Variants in SNTB1 observed in about 807,000 individuals in gnomAD.
SNTB1 encodes beta-1-syntrophin.
SNTB1 carries 36 observed loss-of-function variants against 48.9 expected under a neutral mutation model. The ratio of observed to expected loss-of-function variants is 0.74; its 90% CI spans 0.56 to 0.97. The LOEUF is 0.97. Ranked by LOEUF, SNTB1 falls within the 50% of genes least tolerant of loss-of-function variation. SNTB1 has a pLI of 0.00. For synonymous variants in SNTB1, 299 were observed against 294.6 expected (o/e 1.01, Z -0.15); for missense variants, 786 against 703.4 (o/e 1.12, Z -1.33).
At chr8:120,719,712 G>C (rs920318972) in intron 1 of SNTB1, among the ~76,000 whole-genome samples, 5 of 152,170 alleles carry the variant, frequency 3.3e-5, no homozygotes, top group Admixed American at 6.5e-5. Context: ...TATTTGAGAG[G>C]TGAATCCAGG....
chr8:120,739,905 T>C (rs747458484), intron 1 of SNTB1, among the ~76,000 whole-genome samples: 1 of 152,200 alleles, frequency 6.6e-6, no homozygotes, highest in Non-Finnish European at 1.5e-5. Context: ...CCATGTGACA[T>C]ATTCAAATTA....
chr8:120,641,795 G>C (rs190975905), intron 2 of SNTB1, among the ~76,000 whole-genome samples: 7 of 152,308 alleles, frequency 4.6e-5, no homozygotes, highest in Admixed American at 4.6e-4. Flanking sequence ...ACCCTTTCCA[G>C]TTCCTGTCCT....
intron 1 of SNTB1, among the ~76,000 whole-genome samples, chr8:120,789,588 A>G (rs1037965766): frequency 5.3e-5 from 8 of 152,024 alleles, no homozygotes; most frequent in Non-Finnish European, 7.4e-5. Flanking sequence ...AGATCATCTG[A>G]GACTACTATG....
At position 120,632,628 on chromosome 8, in the gene SNTB1, T is replaced by C; in HGVS notation, c.812A>G (p.Asp271Gly). 6.2e-7 allele frequency: 1 copy of C among 1,614,082 alleles called. No homozygotes were observed. Among genetic ancestry groups the C allele is most frequent in the Non-Finnish European group, 8.5e-7 (1 of 1,180,002 alleles). The change falls in exon 3 of 7, where the codon GAT becomes GGT. Residue 271 changes from aspartate to glycine, a missense_variant. Physicochemically the swap from Asp to Gly is moderately conservative, Grantham distance 94. Coordinates refer to ENST00000517992, the MANE Select transcript of SNTB1 (RefSeq NM_021021.4). Reference protein sequence around the residue: ...ENRQLEIHSPDAKHTVILRSK... With the variant: ...ENRQLEIHSPGAKHTVILRSK... ...CCTTAGGATCACCGTGTGCTTAGCA[T>C]CTGGAGAGTGGATTTCAAGCTGCCT...
At chr8:120,701,340 G>T (rs572642578) in intron 1 of SNTB1, among the ~76,000 whole-genome samples, 40 of 152,274 alleles carry the variant, frequency 2.6e-4, no homozygotes, top group Non-Finnish European at 5.1e-4. Context: ...TAGCTCTCCA[G>T]CCCTGGGCAA....
At chr8:120,634,029 C>A (rs376147775) in intron 2 of SNTB1, among the ~76,000 whole-genome samples, 1 of 152,126 alleles carries the variant, frequency 6.6e-6, no homozygotes, top group Non-Finnish European at 1.5e-5. Flanking sequence ...ATCTCCCCCG[C>A]AACTACCCCT....
chr8:120,566,025 A>C (rs1032612251), intron 4 of SNTB1, among the ~76,000 whole-genome samples: 69 of 152,282 alleles, frequency 4.5e-4, no homozygotes, highest in African/African-American at 1.6e-3. Context: ...CCTGGCCAAC[A>C]TGGTGGCCTA....
intron 3 of SNTB1, among the ~76,000 whole-genome samples, chr8:120,618,136 C>T (rs1047919056): frequency 2.0e-5 from 3 of 152,142 alleles, no homozygotes; most frequent in African/African-American, 4.8e-5. Flanking sequence ...AGTTTAAGAG[C>T]TTTCTTAACC....
chr8:120,686,943 C>T (rs1048920419), intron 2 of SNTB1, among the ~76,000 whole-genome samples: 1 of 152,122 alleles, frequency 6.6e-6, no homozygotes, highest in African/African-American at 2.4e-5. Flanking sequence ...AAACTACATT[C>T]AGAAAATACA....
chr8:120,794,258 T>G (rs553076656), intron 1 of SNTB1, among the ~76,000 whole-genome samples: 1 of 152,142 alleles, frequency 6.6e-6, no homozygotes, highest in South Asian at 2.1e-4. Flanking sequence ...TGAAATTTTT[T>G]TAAGTGTATT....
At chr8:120,559,473 G>T (rs900992550) in intron 4 of SNTB1, among the ~76,000 whole-genome samples, 1 of 152,156 alleles carries the variant, frequency 6.6e-6, no homozygotes, top group African/African-American at 2.4e-5. Flanking sequence ...CCAATGTGAT[G>T]AATTCCATGA....
chr8:120,621,629 G>A (rs979836055), intron 3 of SNTB1, among the ~76,000 whole-genome samples: 10 of 152,184 alleles, frequency 6.6e-5, no homozygotes, highest in Non-Finnish European at 1.5e-4. Flanking sequence ...CAACAAACAA[G>A]TGTAGTAATA....
At chr8:120,751,400 T>C (rs1819211163) in intron 1 of SNTB1, among the ~76,000 whole-genome samples, 1 of 152,194 alleles carries the variant, frequency 6.6e-6, no homozygotes, top group African/African-American at 2.4e-5. Flanking sequence ...AAGTTACTTA[T>C]TCTATGTGTC....
intron 2 of SNTB1, among the ~76,000 whole-genome samples, chr8:120,668,923 T>G (rs138854778): frequency 6.6e-6 from 1 of 152,190 alleles, no homozygotes; most frequent in Non-Finnish European, 1.5e-5. Flanking sequence ...ATAACCATAA[T>G]AGAAAGTTGG....
intron 2 of SNTB1, among the ~76,000 whole-genome samples, chr8:120,687,557 C>T (rs1407418217): frequency 6.6e-6 from 1 of 152,224 alleles, no homozygotes; most frequent in African/African-American, 2.4e-5. Flanking sequence ...TTGCCTAAAA[C>T]ATATTTCCTA....
intron 2 of SNTB1, among the ~76,000 whole-genome samples, chr8:120,642,451 A>G (rs1817211608): frequency 6.6e-6 from 1 of 152,204 alleles, no homozygotes. Context: ...ATGTTCCACA[A>G]ATTATACAGA....
chr8:120,759,669 A>G (rs1772650777), intron 1 of SNTB1, among the ~76,000 whole-genome samples: 1 of 152,116 alleles, frequency 6.6e-6, no homozygotes, highest in South Asian at 2.1e-4. Context: ...CATCATCAAG[A>G]AGTTCCTGTT....
intron 6 of SNTB1, chr8:120,541,198 A>T (rs1815280291): frequency 1.3e-5 from 2 of 152,194 alleles, no homozygotes; most frequent in African/African-American, 4.8e-5. Context: ...CAACACATGG[A>T]CTACTTGCAT....
chr8:120,657,175 T>C (rs7821158), intron 2 of SNTB1, among the ~76,000 whole-genome samples: 89,727 of 152,042 alleles, frequency 0.59, 26,624 homozygotes, highest in South Asian at 0.71. Flanking sequence ...TTTAATGCAA[T>C]CAATATCTTT....
Sources: gnomAD v4.1 joint callset for allele counts (sites outside exome capture counted in the v4.1 genomes callset) on GRCh38, gnomAD v4.1.1 for gene constraint, MANE v1.5 for transcripts, NCBI Gene and HGNC (gene_info 2026-07-23, HGNC 2026-07-21) for gene names.